Variants in C6orf163 observed in about 807,000 individuals in gnomAD.
C6orf163 encodes uncharacterized protein C6orf163.
In C6orf163, 22 loss-of-function variants were observed where a neutral mutation model predicts 28.4. The ratio of observed to expected loss-of-function variants is 0.78; its 90% confidence interval spans 0.55 to 1.11. The LOEUF (loss-of-function observed/expected upper bound fraction) is 1.11. Among genes scored for constraint, C6orf163 ranks in the 50% least tolerant of loss-of-function variants. C6orf163 has a pLI of 0.00. For missense variants in C6orf163, 342 were observed against 389.1 expected, an observed-to-expected ratio of 0.88 and a Z score of 1.02; for synonymous variants, 110 against 123.6, an observed-to-expected ratio of 0.89 and a Z score of 0.73.
chr6:87,349,578 T>A (rs976133502), intron 2 of C6orf163, among the ~76,000 whole-genome samples: 3 of 152,228 alleles, frequency 2.0e-5, no homozygotes, highest in African/African-American at 7.2e-5. Flanking sequence ...CGTAAAAGAA[T>A]TACAGCTCCT....
intron 1 of C6orf163, 31 bp downstream of exon 1, chr6:87,345,278 A>C: frequency 6.7e-7 from 1 of 1,497,804 alleles, no homozygotes; most frequent in Non-Finnish European, 8.8e-7. Context: ...CCTTTGTTCT[A>C]ATGCTTCATA....
chr6:87,345,413 G>C (rs1453878182), intron 1 of C6orf163, among the ~76,000 whole-genome samples, 166 bp downstream of exon 1: 1 of 152,190 alleles, frequency 6.6e-6, no homozygotes, highest in African/African-American at 2.4e-5. Context: ...ACTTACAGTT[G>C]TATGTATTGG....
intron 4 of C6orf163, among the ~76,000 whole-genome samples, chr6:87,360,821 A>G (rs1408144860): frequency 6.6e-6 from 1 of 152,174 alleles, no homozygotes; most frequent in Non-Finnish European, 1.5e-5. Flanking sequence ...TCATTCATAC[A>G]TTTATTGATT....
At chr6:87,348,119 CACT>C (rs1777356028) in intron 1 of C6orf163, 1 of 832,194 alleles carries the variant, frequency 1.2e-6, no homozygotes, top group Non-Finnish European at 1.4e-6. Flanking sequence ...GGCGACACTG[CACT>C]GCAGGCTGGG....
chr6:87,348,412 C>T (rs1777359808), intron 1 of C6orf163: 1 of 990,718 alleles, frequency 1.0e-6, no homozygotes, highest in African/African-American at 1.7e-5. Flanking sequence ...ATTCCACTTC[C>T]CTTCTCCTGA....
At chr6:87,359,757 C>T (rs1777555783) in intron 4 of C6orf163, among the ~76,000 whole-genome samples, 2 of 152,128 alleles carry the variant, frequency 1.3e-5, no homozygotes, top group African/African-American at 4.8e-5. Flanking sequence ...AGACTGAATC[C>T]TATAAATTTG....
chr6:87,361,335 A>G (rs921226005), intron 4 of C6orf163, among the ~76,000 whole-genome samples: 2 of 152,140 alleles, frequency 1.3e-5, no homozygotes, highest in African/African-American at 4.8e-5. Flanking sequence ...TTAAAGTACC[A>G]GATTCTGTTA....
chr6:87,358,119 T>C (rs1777533306), intron 4 of C6orf163: 2 of 152,196 alleles, frequency 1.3e-5, no homozygotes, highest in South Asian at 4.1e-4. Flanking sequence ...GAAACTAATA[T>C]ATGGAGAGAG....
chr6:87,360,135 C>G (rs1025029224), intron 4 of C6orf163, among the ~76,000 whole-genome samples: 1 of 152,114 alleles, frequency 6.6e-6, no homozygotes, highest in Admixed American at 6.5e-5. Context: ...CTCCTCTGTG[C>G]GTGGTGATCC....
At chr6:87,350,058 A>G (rs1282557860) in intron 2 of C6orf163, among the ~76,000 whole-genome samples, 1 of 152,208 alleles carries the variant, frequency 6.6e-6, no homozygotes, top group African/African-American at 2.4e-5. Context: ...TCCACAATGC[A>G]CATATGTTAC....
rs115160328 is a variant in C6orf163 at position 87,354,521 on chromosome 6, T to G, written c.352-1780T>G. On this transcript the variant is annotated intron_variant, in intron 3 of 4. Transcript: ENST00000388923. ...GTTCTTTTTATGGTGTTAAAGACAT[T>G]TAGAAACATTTCCATTCAAAATATT... is the stretch of plus-strand genomic sequence containing the variant. Among the ~76,000 whole-genome samples, 582 of 152,332 alleles carry G rather than the reference T, an allele frequency of 3.8e-3. 2 individuals are homozygous for G. Among genetic ancestry groups the G allele is most frequent in the African/African-American group, 0.013 (559 of 41,580 alleles).
intron 3 of C6orf163, among the ~76,000 whole-genome samples, chr6:87,351,860 G>T (rs1261829965): frequency 6.6e-6 from 1 of 152,164 alleles, no homozygotes; most frequent in Non-Finnish European, 1.5e-5. Context: ...TAATGCTGCA[G>T]CCAGAGGCCA....
In C6orf163 at chr6:87,345,245, T is replaced by A. The variant is rs757661923; in HGVS notation, c.146T>A (p.Leu49Gln). ...CGCTTTTACACTCACAAAGACATAC[T>A]AGGTAAGTGACTTTATCGTTTTCCT... ...KTRFYTHKDI[L>Q]DIGANILKKE... Residue 49 changes from leucine (L) to glutamine (Q), a missense_variant and splice_region_variant, in exon 1 of 5, where the codon CTA becomes CAA. Physicochemically the swap from Leu to Gln is moderately radical, Grantham distance 113. Coordinates refer to ENST00000388923, the MANE Select transcript of C6orf163 (RefSeq NM_001010868.3). 1.9e-4 allele frequency: 292 copies of A among 1,517,674 alleles called. No homozygotes were observed. The highest frequency in any genetic ancestry group is 2.4e-4 in the Non-Finnish European group (278 of 1,141,548). The allele number at this position is 1,517,674 out of a possible 1,614,324, so 94.0% of individuals were successfully genotyped here. A position where few individuals can be genotyped will look rare whatever the true frequency, so the allele number is the denominator to read the frequency against.
At chr6:87,347,336 C>T (rs1777340431) in intron 1 of C6orf163, 1 of 936,700 alleles carries the variant, frequency 1.1e-6, no homozygotes, top group Non-Finnish European at 1.3e-6. Context: ...AAAAGCTTTG[C>T]AGGGATCCTG....
Position 87,345,015 on chromosome 6 carries a change from A to T in C6orf163, c.-85A>T. The T allele has an allele frequency of 8.7e-7, 1 of 1,152,608 alleles. No individual in the cohort carries two copies. Among genetic ancestry groups the T allele is most frequent in the Non-Finnish European group, 1.2e-6 (1 of 836,180 alleles). 71.4% of individuals were successfully genotyped at this position (1,152,608 alleles called of 1,614,324 possible). On this transcript the variant is annotated 5_prime_UTR_variant, in exon 1 of 5. Coordinates refer to ENST00000388923, the MANE Select transcript of C6orf163 (RefSeq NM_001010868.3). ...ACCCTGAACCTCTTCCAGCTTTCTT[A>T]AACTTTCAGCTTTTCTTGAAACGAC...
At chr6:87,356,651 A>G (rs1388836017) in intron 4 of C6orf163, 148 bp downstream of exon 4, 1 of 707,812 alleles carries the variant, frequency 1.4e-6, no homozygotes, top group Non-Finnish European at 2.3e-6. Flanking sequence ...CATAGGGAAC[A>G]ATTTATATTG....
At chr6:87,345,816 C>T (rs908985773) in intron 1 of C6orf163, among the ~76,000 whole-genome samples, 56 of 145,482 alleles carry the variant, frequency 3.8e-4, no homozygotes, top group African/African-American at 1.4e-3. Flanking sequence ...ACTCGGGAGG[C>T]TGAGGTAAGA....
intron 4 of C6orf163, among the ~76,000 whole-genome samples, chr6:87,362,031 G>A (rs921746023): frequency 5.9e-5 from 9 of 152,084 alleles, no homozygotes; most frequent in Non-Finnish European, 1.2e-4. Context: ...CCCTCCTGAC[G>A]AAAAATGTAT....
At chr6:87,359,390 G>C (rs1220942273) in intron 4 of C6orf163, among the ~76,000 whole-genome samples, 1 of 152,230 alleles carries the variant, frequency 6.6e-6, no homozygotes, top group Non-Finnish European at 1.5e-5. Flanking sequence ...GAAATGCACT[G>C]CTGAATGCTG....
Sources: gnomAD v4.1 joint callset for allele counts (sites outside exome capture counted in the v4.1 genomes callset) on GRCh38, gnomAD v4.1.1 for gene constraint, MANE v1.5 for transcripts, NCBI Gene and HGNC (gene_info 2026-07-23, HGNC 2026-07-21) for gene names.